Variants in ERC1 observed in about 807,000 individuals in gnomAD.
ERC1 encodes ELKS/RAB6-interacting/CAST family member 1.
ERC1 carries 56 observed loss-of-function variants against 132.0 expected under a neutral mutation model. The ratio of observed to expected loss-of-function variants is 0.42; its 90% CI spans 0.34 to 0.53. The LOEUF (loss-of-function observed/expected upper bound fraction) is 0.53, where lower values mean the gene tolerates loss of function less well. ERC1 is among the 20% of genes least tolerant of loss of function. The pLI is 0.03. For missense variants in ERC1, 1,202 were observed against 1,349.9 expected (o/e 0.89, Z 1.72); for synonymous variants, 478 against 476.1 (o/e 1.00, Z -0.05).
At chr12:1,052,318 G>C (rs1182390957) in intron 2 of ERC1, among the ~76,000 whole-genome samples, 1 of 152,152 alleles carries the variant, frequency 6.6e-6, no homozygotes, top group Non-Finnish European at 1.5e-5. Flanking sequence ...TATATATCCA[G>C]TGAACTTTAA....
At chr12:1,016,940 C>T (rs945726213) in intron 1 of ERC1, among the ~76,000 whole-genome samples, 8 of 151,956 alleles carry the variant, frequency 5.3e-5, no homozygotes, top group Non-Finnish European at 7.4e-5. Flanking sequence ...CGTGAGCCAC[C>T]GTGCCCGGCT....
intron 8 of ERC1, among the ~76,000 whole-genome samples, chr12:1,156,560 C>A (rs1240220643): frequency 6.6e-6 from 1 of 152,176 alleles, no homozygotes; most frequent in East Asian, 1.9e-4. Context: ...AGTAGTATAA[C>A]GCATAATGAC....
chr12:1,138,100 TTATAA>T lies in ERC1; in HGVS notation c.1570-3513_1570-3509del, dbSNP rs1229164772. 7.2e-4 allele frequency among the ~76,000 whole-genome samples: 62 copies of T among 86,586 alleles called. 1 individual carries two copies. Among genetic ancestry groups the T allele is most frequent in the African/African-American group, 2.3e-3 (51 of 22,644 alleles). 56.8% of individuals were successfully genotyped at this position (86,586 alleles called of 152,430 possible). ...TATTATATATAATATATAATCCATATTATAATATAATTATATTTAATACATATTAT... is the reference window on the plus strand; with the variant it reads ...TATTATATATAATATATAATCCATATTATAATTATATTTAATACATATTAT... On this transcript the variant is annotated intron_variant, in intron 7 of 18. Transcript: ENST00000360905.
intron 18 of ERC1, among the ~76,000 whole-genome samples, chr12:1,486,609 G>C (rs1455405325): frequency 1.3e-5 from 2 of 151,946 alleles, no homozygotes; most frequent in Non-Finnish European, 2.9e-5. Flanking sequence ...ATTTTTAGTA[G>C]AGACGGGGTT....
Position 1,487,729 on chromosome 12 carries a change from AAGAG to A in ERC1, c.3214-2355_3214-2352del, listed in dbSNP as rs926471601. The stretch of plus-strand genomic sequence containing the variant: ...GGAGACCCTGTCTCAAATTAATAGA[AAGAG>A]AGAGAGAGGAGAAGGGTAGGAGGCA... On this transcript the variant is annotated intron_variant, in intron 18 of 18. Transcript: ENST00000360905. Among the ~76,000 whole-genome samples the A allele has an allele frequency of 1.3e-4, 19 of 148,942 alleles. No individual in the cohort carries two copies. In the East Asian group the frequency reaches 2.7e-3, roughly 21 times the overall value.
At position 1,008,012 on chromosome 12, in the gene ERC1, C is replaced by T. The variant is rs778787557; in HGVS notation, c.-157+16690C>T. On this transcript the variant is annotated intron_variant, in intron 1 of 18. Transcript: ENST00000360905. ...TTTTTGGTTTCTACTTTCTTTTCCCCGCCAGAGGAGAGTCAGAATAACAGG... is the reference window on the plus strand; with the variant it reads ...TTTTTGGTTTCTACTTTCTTTTCCCTGCCAGAGGAGAGTCAGAATAACAGG... Among the ~76,000 whole-genome samples, 17 of 152,238 alleles carry T rather than the reference C, an allele frequency of 1.1e-4. No individual in the cohort carries two copies. In the South Asian group the frequency reaches 1.7e-3, roughly 15 times the overall value.
chr12:1,342,907 C>T (rs2084057775), intron 15 of ERC1, among the ~76,000 whole-genome samples: 1 of 152,140 alleles, frequency 6.6e-6, no homozygotes, highest in Non-Finnish European at 1.5e-5. Context: ...CGTGCTGACC[C>T]TGTAATCCAT....
chr12:1,119,410 A>G (rs1309901344), intron 7 of ERC1, among the ~76,000 whole-genome samples: 4 of 152,104 alleles, frequency 2.6e-5, no homozygotes, highest in Non-Finnish European at 5.9e-5. Flanking sequence ...TTAGTAATAT[A>G]GTGGTTAAAA....
intron 1 of ERC1, among the ~76,000 whole-genome samples, chr12:1,011,235 G>T (rs567287091): frequency 6.6e-6 from 1 of 151,922 alleles, no homozygotes; most frequent in Non-Finnish European, 1.5e-5. Context: ...GTCTCACTCC[G>T]TCACCCAGGC....
At chr12:990,931 G>A (rs997684151), upstream of ERC1, 1 of 100,162 alleles carries the variant, frequency 1.0e-5, no homozygotes, top group African/African-American at 3.5e-5. Context: ...TGGCCGCAGG[G>A]GTCGTGTGTG....
intron 8 of ERC1, among the ~76,000 whole-genome samples, chr12:1,166,528 T>C (rs1952446602): frequency 2.0e-5 from 3 of 152,358 alleles, no homozygotes; most frequent in Middle Eastern, 6.8e-3. Flanking sequence ...TGTGGGTTTT[T>C]CATAGATGCT....
At chr12:1,053,425 T>C (rs1279930069) in intron 2 of ERC1, among the ~76,000 whole-genome samples, 1 of 152,206 alleles carries the variant, frequency 6.6e-6, no homozygotes, top group African/African-American at 2.4e-5. Flanking sequence ...GTTTTTATAT[T>C]CTCATGAAGA....
At chr12:1,049,407 C>G (rs1565860503) in intron 2 of ERC1, among the ~76,000 whole-genome samples, 1 of 152,098 alleles carries the variant, frequency 6.6e-6, no homozygotes, top group South Asian at 2.1e-4. Flanking sequence ...ACTTAAAAAA[C>G]AAACAAACCA....
intron 15 of ERC1, among the ~76,000 whole-genome samples, chr12:1,329,531 G>T (rs1435863935): frequency 6.6e-6 from 1 of 151,772 alleles, no homozygotes; most frequent in African/African-American, 2.4e-5. Context: ...CTCACGAGCA[G>T]CCTGTGAGAA....
At chr12:1,164,193 T>C (rs1483465056) in intron 8 of ERC1, among the ~76,000 whole-genome samples, 3 of 152,064 alleles carry the variant, frequency 2.0e-5, no homozygotes, top group South Asian at 4.1e-4. Flanking sequence ...GTCACTTCTG[T>C]TGTATTCTGT....
At chr12:1,417,805 GGA>G (rs2092197848) in intron 17 of ERC1, among the ~76,000 whole-genome samples, 1 of 151,224 alleles carries the variant, frequency 6.6e-6, no homozygotes, top group African/African-American at 2.4e-5. Context: ...AAAAGATTTT[GGA>G]AAAGAGTTAT....
At chr12:1,225,956 TC>T (rs576926902) in intron 12 of ERC1, among the ~76,000 whole-genome samples, 282 of 152,356 alleles carry the variant, frequency 1.9e-3, no homozygotes, top group African/African-American at 6.4e-3. Context: ...ACAGAATTTT[TC>T]TCCATTTGTT....
At chr12:1,155,193 G>A (rs1235441776) in intron 8 of ERC1, among the ~76,000 whole-genome samples, 2 of 151,800 alleles carry the variant, frequency 1.3e-5, no homozygotes, top group African/African-American at 2.4e-5. Context: ...GGGCATATTG[G>A]TACGTGCCTG....
intron 15 of ERC1, among the ~76,000 whole-genome samples, chr12:1,298,259 C>T (rs150976665): frequency 6.6e-4 from 101 of 152,080 alleles, no homozygotes; most frequent in African/African-American, 2.0e-3. Context: ...CCCTGAAGAG[C>T]GGCCAGGCAC....
Sources: allele counts gnomAD v4.1 joint callset (sites outside exome capture counted in the v4.1 genomes callset), GRCh38; gene constraint gnomAD v4.1.1; transcripts MANE v1.5; gene names NCBI Gene and HGNC (gene_info 2026-07-23, HGNC 2026-07-21).